The following PIK3CB variants were observed in gnomAD, a reference collection of about 807,000 sequenced individuals.
PIK3CB encodes phosphatidylinositol 4,5-bisphosphate 3-kinase catalytic subunit beta isoform.
A neutral mutation model predicts 136.8 loss-of-function variants in PIK3CB; 39 were observed. That is an observed-to-expected ratio of 0.29 (90% CI 0.22 to 0.37). PIK3CB has a LOEUF of 0.37. Ranked by LOEUF, PIK3CB falls within the 10% of genes least tolerant of loss-of-function variation. The probability of loss-of-function intolerance (pLI) is 1.00; values close to 1 mark genes in which losing one functional copy is unlikely to be tolerated. For synonymous variants in PIK3CB, 428 were observed against 436.6 expected (o/e 0.98, Z 0.25); for missense variants, 868 against 1,275.4 (o/e 0.68, Z 4.87).
At chr3:138,666,905 CA>C (rs903869187) in intron 19 of PIK3CB, among the ~76,000 whole-genome samples, 2 of 151,976 alleles carry the variant, frequency 1.3e-5, no homozygotes, top group African/African-American at 2.4e-5. Context: ...TGGCAGGAGT[CA>C]AAAAAGACTT....
Position 138,788,255 on chromosome 3 carries a change from T to C in PIK3CB, c.-17+8208A>G, listed in dbSNP as rs145874533. 7.9e-5 allele frequency among the ~76,000 whole-genome samples: 12 copies of C among 152,250 alleles called. No homozygotes were observed. The East Asian group carries it at 2.3e-3, about 29-fold the overall frequency. On this transcript the variant is annotated intron_variant, in intron 2 of 23. Coordinates refer to ENST00000674063, the MANE Select transcript of PIK3CB (RefSeq NM_006219.3). ...CCTTTCTTTACCAGTTCTGACCTTGTAGCAGAGCATAAGGATTTGTGCTAC... is the reference window on the plus strand; with the variant it reads ...CCTTTCTTTACCAGTTCTGACCTTGCAGCAGAGCATAAGGATTTGTGCTAC...
At chr3:138,686,123 A>G (rs1453152702) in intron 16 of PIK3CB, among the ~76,000 whole-genome samples, 2 of 151,972 alleles carry the variant, frequency 1.3e-5, no homozygotes, top group Non-Finnish European at 1.5e-5. Flanking sequence ...TGGGCAACAC[A>G]GTGAGACTAT....
Position 138,688,975 on chromosome 3 carries a change from C to T in PIK3CB, c.2037-1G>A, listed in dbSNP as rs1266321087. ...GACAGCAGGAATGTGCACTTCTGAC[C>T]TGCAGAAAGTTAATGATATCTGAAC... On this transcript the variant is annotated splice_acceptor_variant, in intron 15 of 23. Coordinates refer to ENST00000674063, the MANE Select transcript of PIK3CB (RefSeq NM_006219.3). LOFTEE classifies it high-confidence loss of function. 2 of 1,594,056 alleles carry T rather than the reference C, an allele frequency of 1.3e-6. No homozygotes were observed. The highest frequency in any genetic ancestry group is 3.3e-5 in the Admixed American group (2 of 59,908).
At chr3:138,755,287 T>C (rs1301332360) in intron 4 of PIK3CB, among the ~76,000 whole-genome samples, 1 of 152,110 alleles carries the variant, frequency 6.6e-6, no homozygotes, top group Admixed American at 6.6e-5. Flanking sequence ...TCTCAAACAA[T>C]CTGAGGTAAA....
intron 5 of PIK3CB, among the ~76,000 whole-genome samples, chr3:138,739,470 A>G (rs928781584): frequency 1.3e-5 from 2 of 151,234 alleles, no homozygotes; most frequent in African/African-American, 4.9e-5. Context: ...AAATAAAATA[A>G]ATAAAAAAGA....
At chr3:138,781,312 A>C (rs1348381972) in intron 2 of PIK3CB, among the ~76,000 whole-genome samples, 1 of 151,806 alleles carries the variant, frequency 6.6e-6, no homozygotes, top group Non-Finnish European at 1.5e-5. Flanking sequence ...AAAACAACAA[A>C]AAACGAAAAT....
chr3:138,690,931 A>G, intron 15 of PIK3CB, 69 bp downstream of exon 15: 1 of 1,227,966 alleles, frequency 8.1e-7, no homozygotes, highest in Non-Finnish European at 1.1e-6. Context: ...TTTTTCTATT[A>G]AATATATTAT....
At chr3:138,666,881 G>C (rs1418748357) in intron 19 of PIK3CB, among the ~76,000 whole-genome samples, 1 of 152,142 alleles carries the variant, frequency 6.6e-6, no homozygotes, top group Non-Finnish European at 1.5e-5. Flanking sequence ...TAAGGAAGAA[G>C]TGCCAGGAGA....
chr3:138,826,014 C>A, intron 1 of PIK3CB: 1 of 1,435,698 alleles, frequency 7.0e-7, no homozygotes, highest in Non-Finnish European at 9.7e-7. Flanking sequence ...GCTGGCTATG[C>A]CACTGTACTG....
At chr3:138,768,691 C>A (rs1296725868) in intron 2 of PIK3CB, among the ~76,000 whole-genome samples, 4 of 152,212 alleles carry the variant, frequency 2.6e-5, no homozygotes, top group Non-Finnish European at 5.9e-5. Context: ...CTCAGCCTCC[C>A]CTCAGCTTCC....
At chr3:138,744,963 C>CA (rs557884600) in intron 4 of PIK3CB, among the ~76,000 whole-genome samples, 91 of 152,340 alleles carry the variant, frequency 6.0e-4, no homozygotes, top group African/African-American at 2.0e-3. Context: ...TGCCATACCA[C>CA]AATCTATTTC....
intron 10 of PIK3CB, among the ~76,000 whole-genome samples, chr3:138,710,023 CAAAA>C (rs34985570): frequency 1.1e-5 from 1 of 91,948 alleles, no homozygotes; most frequent in Non-Finnish European, 2.2e-5. Context: ...ACAAAAAATA[CAAAA>C]AAAAAAAAAA....
intron 21 of PIK3CB, among the ~76,000 whole-genome samples, chr3:138,659,821 T>C (rs1248538889): frequency 2.0e-5 from 3 of 150,764 alleles, no homozygotes; most frequent in Non-Finnish European, 3.0e-5. Flanking sequence ...CTCTGGGAAA[T>C]GTCTTAGTAT....
chr3:138,766,402 G>A (rs531241840), intron 2 of PIK3CB, among the ~76,000 whole-genome samples: 186 of 152,198 alleles, frequency 1.2e-3, no homozygotes, highest in Non-Finnish European at 2.4e-3. Context: ...TTCTATATCT[G>A]TGCTATATTT....
chr3:138,783,307 A>G (rs409507), intron 2 of PIK3CB, among the ~76,000 whole-genome samples: 87,830 of 151,300 alleles, frequency 0.58, 26,287 homozygotes, highest in East Asian at 0.98. Context: ...TTTGGGACAG[A>G]GTCCCACTCT....
At chr3:138,782,861 A>G (rs755846427) in intron 2 of PIK3CB, among the ~76,000 whole-genome samples, 11 of 152,232 alleles carry the variant, frequency 7.2e-5, no homozygotes, top group Admixed American at 3.9e-4. Flanking sequence ...AGTTTGGACC[A>G]TTATTCATTT....
intron 8 of PIK3CB, among the ~76,000 whole-genome samples, chr3:138,728,526 A>C (rs964722229): frequency 6.6e-6 from 1 of 152,106 alleles, no homozygotes; most frequent in Non-Finnish European, 1.5e-5. Context: ...GCCTGTAATC[A>C]CAGCACTTTG....
In PIK3CB at chr3:138,714,459, T is replaced by G; in HGVS notation, c.1302+9A>C. On this transcript the variant is annotated intron_variant, in intron 9 of 23. Coordinates refer to ENST00000674063, the MANE Select transcript of PIK3CB (RefSeq NM_006219.3). ...ATAAAACAATCCTCAGAAGTTGGTA[T>G]ATCATTACCACTTTTCCAGCTTTCC... is the stretch of plus-strand genomic sequence containing the variant. 4.4e-6 allele frequency: 7 copies of G among 1,579,522 alleles called. No homozygotes were observed. The highest frequency in any genetic ancestry group is 6.1e-6 in the Non-Finnish European group (7 of 1,155,532).
At chr3:138,676,388 C>CTGTG (rs777401688) in intron 19 of PIK3CB, among the ~76,000 whole-genome samples, 1 of 152,158 alleles carries the variant, frequency 6.6e-6, no homozygotes, top group Non-Finnish European at 1.5e-5. Context: ...AATGATGCAG[C>CTGTG]TGTGTGGGAA....
Sources: allele counts gnomAD v4.1 joint callset (sites outside exome capture counted in the v4.1 genomes callset), GRCh38; gene constraint gnomAD v4.1.1; transcripts MANE v1.5; gene names NCBI Gene and HGNC (gene_info 2026-07-23, HGNC 2026-07-21).